Variants in SPATS2 observed in about 807,000 individuals in gnomAD.
The protein encoded by SPATS2 is spermatogenesis associated serine rich 2, also known as spermatogenesis-associated serine-rich protein 2.
A neutral mutation model predicts 63.7 loss-of-function variants in SPATS2; 38 were observed. The ratio of observed to expected loss-of-function variants is 0.60; its 90% confidence interval spans 0.46 to 0.78. SPATS2 has a LOEUF of 0.78. Among genes scored for constraint, SPATS2 ranks in the 30% least tolerant of loss-of-function variants. The probability of loss-of-function intolerance (pLI) is 0.00; values close to 1 mark genes in which losing one functional copy is unlikely to be tolerated. For synonymous variants in SPATS2, 207 were observed against 232.9 expected (o/e 0.89, Z 1.01); for missense variants, 588 against 666.2 (o/e 0.88, Z 1.29).
At chr12:49,472,632 ATATTATATTATAT>A (rs1239120120) in intron 3 of SPATS2, among the ~76,000 whole-genome samples, 2 of 146,364 alleles carry the variant, frequency 1.4e-5, no homozygotes, top group African/African-American at 2.5e-5. Flanking sequence ...TATATATAAA[ATATTATATTATAT>A]TATTATATTA....
intron 2 of SPATS2, among the ~76,000 whole-genome samples, chr12:49,376,893 A>T (rs986447889): frequency 3.4e-4 from 51 of 150,814 alleles, no homozygotes; most frequent in African/African-American, 1.2e-3. Context: ...TAATTTTTGT[A>T]TTTTCAGTAG....
chr12:49,436,119 G>A (rs897019388), intron 2 of SPATS2, among the ~76,000 whole-genome samples: 10 of 151,812 alleles, frequency 6.6e-5, no homozygotes, highest in East Asian at 3.9e-4. Context: ...CCACAAAACC[G>A]CCATTGTCAT....
rs183504757 is a variant in SPATS2, at chr12:49,499,689, C to T, written c.704-381C>T. Among the ~76,000 whole-genome samples, 996 of 152,272 alleles carry T rather than the reference C, an allele frequency of 6.5e-3. 8 individuals carry two copies. The highest frequency in any genetic ancestry group is 0.027 in the South Asian group (132 of 4,822). ...GTCCACCAGGCTGTTGAGGATTTCT[C>T]CTCCCTGCATTGTAGCCTAGAAACT... On this transcript the variant is annotated intron_variant, in intron 8 of 13. Transcript: ENST00000552918.
chr12:49,522,079 G>A (rs1946951344), intron 11 of SPATS2, among the ~76,000 whole-genome samples: 1 of 150,988 alleles, frequency 6.6e-6, no homozygotes, highest in African/African-American at 2.4e-5. Context: ...TAATGAAATA[G>A]ACCCCCAGAA....
Position 49,496,857 on chromosome 12 carries a change from C to T in SPATS2, c.551C>T (p.Ser184Phe). ...GGATCCATGCTGCAGAATGGTGTCT[C>T]TGATTTTGAGACCAAGTCTTTGACT... ...RTGSMLQNGVSDFETKSLTMH... is the reference protein window; with the variant it reads ...RTGSMLQNGVFDFETKSLTMH... Residue 184 changes from serine (S) to phenylalanine (F), a missense_variant, in exon 8 of 14, where the codon TCT becomes TTT. Coordinates refer to ENST00000552918, the MANE Select transcript of SPATS2 (RefSeq NM_023071.4). 1 of 1,614,130 alleles carries T rather than the reference C, an allele frequency of 6.2e-7. No individual in the cohort carries two copies. Among genetic ancestry groups the T allele is most frequent in the Non-Finnish European group, 8.5e-7 (1 of 1,180,006 alleles).
rs79005510 is a variant in SPATS2 at position 49,402,760 on chromosome 12, G to T, written c.-244+31470G>T. ...GTAGTGGTGGTATGGTTTGACAGGA[G>T]GCTTTTTTCAGGAAGGAAGGGGGAA... On this transcript the variant is annotated intron_variant, in intron 2 of 13. Transcript: ENST00000552918. 6.5e-3 allele frequency among the ~76,000 whole-genome samples: 991 copies of T among 152,246 alleles called. 3 individuals carry two copies. The highest frequency in any genetic ancestry group is 0.011 in the Non-Finnish European group (768 of 68,032).
chr12:49,397,101 CTCTG>C (rs1944525268), intron 2 of SPATS2, among the ~76,000 whole-genome samples: 1 of 152,142 alleles, frequency 6.6e-6, no homozygotes, highest in Admixed American at 6.6e-5. Context: ...TTGCTATTCC[CTCTG>C]TCTGGAATGT....
chr12:49,402,043 C>G (rs1944614339), intron 2 of SPATS2, among the ~76,000 whole-genome samples: 1 of 152,206 alleles, frequency 6.6e-6, no homozygotes, highest in African/African-American at 2.4e-5. Context: ...GTGGTGCAAA[C>G]ACGGCTCATC....
At chr12:49,379,623 A>ATT (rs529791925) in intron 2 of SPATS2, among the ~76,000 whole-genome samples, 46 of 129,492 alleles carry the variant, frequency 3.6e-4, no homozygotes, top group African/African-American at 9.3e-4. Context: ...ATCTAGTTCA[A>ATT]TTTTTTTTTT....
At chr12:49,392,698 G>A (rs531689198) in intron 2 of SPATS2, among the ~76,000 whole-genome samples, 7 of 152,190 alleles carry the variant, frequency 4.6e-5, no homozygotes, top group Non-Finnish European at 1.0e-4. Context: ...CTAGGCAACA[G>A]AGTGAGACTC....
At chr12:49,437,151 A>G (rs1945323360) in intron 2 of SPATS2, among the ~76,000 whole-genome samples, 1 of 149,238 alleles carries the variant, frequency 6.7e-6, no homozygotes, top group South Asian at 2.1e-4. Context: ...CACTTCTCAG[A>G]CGGGGCGGTT....
chr12:49,438,355 C>T (rs1002209904), intron 2 of SPATS2, among the ~76,000 whole-genome samples: 1 of 152,048 alleles, frequency 6.6e-6, no homozygotes, highest in Admixed American at 6.6e-5. Flanking sequence ...GTCTATTCAT[C>T]TTCTTGTTAC....
chr12:49,404,029 A>G (rs1257895536), intron 2 of SPATS2, among the ~76,000 whole-genome samples: 1 of 152,182 alleles, frequency 6.6e-6, no homozygotes. Flanking sequence ...GTGGATATTT[A>G]CTAGCACCTG....
chr12:49,476,824 G>A (rs927718494), intron 3 of SPATS2, among the ~76,000 whole-genome samples: 3 of 152,236 alleles, frequency 2.0e-5, no homozygotes, highest in African/African-American at 7.2e-5. Context: ...CTTGGAACTT[G>A]GCTGGGCGCG....
At chr12:49,441,493 T>A (rs942167273) in intron 2 of SPATS2, among the ~76,000 whole-genome samples, 4 of 152,208 alleles carry the variant, frequency 2.6e-5, no homozygotes, top group Admixed American at 2.6e-4. Context: ...GAGAAGTAGA[T>A]ATGTTCTTTT....
At chr12:49,485,072 T>TG (rs1196531557) in intron 4 of SPATS2, among the ~76,000 whole-genome samples, 3 of 151,390 alleles carry the variant, frequency 2.0e-5, no homozygotes, top group Admixed American at 6.6e-5. Flanking sequence ...TAGGTCTTTT[T>TG]TTTTTTTTTT....
intron 3 of SPATS2, among the ~76,000 whole-genome samples, chr12:49,473,490 CTGTT>C (rs1257169515): frequency 1.3e-5 from 2 of 152,146 alleles, no homozygotes; most frequent in African/African-American, 4.8e-5. Flanking sequence ...CTTTGAAAAA[CTGTT>C]TGACAGTATG....
chr12:49,389,099 G>A (rs1172995436), intron 2 of SPATS2, among the ~76,000 whole-genome samples: 1 of 152,006 alleles, frequency 6.6e-6, no homozygotes, highest in African/African-American at 2.4e-5. Flanking sequence ...TTTTTAACAT[G>A]CATACTTACT....
chr12:49,500,895 C>G (rs776552317), intron 9 of SPATS2, among the ~76,000 whole-genome samples: 42 of 152,138 alleles, frequency 2.8e-4, no homozygotes, highest in Non-Finnish European at 2.8e-4. Flanking sequence ...CTACCTTCTT[C>G]CATCCTTTTT....
Sources: allele counts gnomAD v4.1 joint callset (sites outside exome capture counted in the v4.1 genomes callset), GRCh38; gene constraint gnomAD v4.1.1; transcripts MANE v1.5; gene names NCBI Gene and HGNC (gene_info 2026-07-23, HGNC 2026-07-21).